The following LMAN1 variants were observed in gnomAD, a reference collection of about 807,000 sequenced individuals.
LMAN1 encodes lectin, mannose binding 1.
A neutral mutation model predicts 67.8 loss-of-function variants in LMAN1; 32 were observed. That is an observed-to-expected ratio of 0.47 (90% confidence interval 0.36 to 0.63). LMAN1 has a LOEUF of 0.63. Ranked by LOEUF, LMAN1 falls within the 30% of genes least tolerant of loss-of-function variation. The probability of loss-of-function intolerance (pLI) is 0.00; values close to 1 mark genes in which losing one functional copy is unlikely to be tolerated. For missense variants in LMAN1, 632 were observed against 628.2 expected (o/e 1.01, Z -0.06); for synonymous variants, 235 against 219.3 (o/e 1.07, Z -0.63).
intron 8 of LMAN1, among the ~76,000 whole-genome samples, chr18:59,341,899 T>A (rs1472120492): frequency 6.6e-6 from 1 of 152,030 alleles, no homozygotes; most frequent in Non-Finnish European, 1.5e-5. Flanking sequence ...AAAAGTTGCT[T>A]CCTTGAAAAG....
Position 59,346,472 on chromosome 18 carries a change from G to A in LMAN1, c.823-421C>T, listed in dbSNP as rs866189032. On this transcript the variant is annotated intron_variant, in intron 7 of 12. Transcript: ENST00000251047. ...ACCCTTTAGCTCAGGCAATGCACCC[G>A]CCTCGGCCTCCCAAAGTGCTAGGAT... 5.3e-5 allele frequency among the ~76,000 whole-genome samples: 8 copies of A among 151,644 alleles called. No homozygotes were observed. The South Asian group carries it at 1.3e-3, about 24-fold the overall frequency.
intron 7 of LMAN1, 96 bp downstream of exon 7, chr18:59,347,417 G>A (rs976764724): frequency 1.4e-6 from 1 of 692,668 alleles, no homozygotes; most frequent in Non-Finnish European, 2.5e-6. Flanking sequence ...GCAGTAACTG[G>A]CAGAAACAAG....
intron 8 of LMAN1, among the ~76,000 whole-genome samples, chr18:59,340,180 T>C (rs967251245): frequency 6.6e-6 from 1 of 152,114 alleles, no homozygotes; most frequent in African/African-American, 2.4e-5. Context: ...GAGTTCAAGT[T>C]CATATGGCTG....
intron 10 of LMAN1, among the ~76,000 whole-genome samples, chr18:59,334,319 A>C (rs1282065481): frequency 1.3e-5 from 2 of 152,216 alleles, no homozygotes; most frequent in East Asian, 1.9e-4. Flanking sequence ...AAGTGCTGTG[A>C]GCCAGGGAAT....
At chr18:59,352,822 T>A in intron 5 of LMAN1, 1 of 309,766 alleles carries the variant, frequency 3.2e-6, no homozygotes, top group Non-Finnish European at 6.3e-6. Context: ...CATTTGTGTG[T>A]CCTCTGTTAG....
chr18:59,355,211 A>G (rs1267955778), intron 3 of LMAN1, 102 bp downstream of exon 3: 1 of 862,850 alleles, frequency 1.2e-6, no homozygotes, highest in Non-Finnish European at 1.9e-6. Context: ...GGAGTTCTGT[A>G]CTATCAAACT....
intron 1 of LMAN1, among the ~76,000 whole-genome samples, chr18:59,357,836 G>A (rs1908693959): frequency 6.6e-6 from 1 of 151,974 alleles, no homozygotes; most frequent in African/African-American, 2.4e-5. Flanking sequence ...GGGGGAGGTG[G>A]GAGGGATAGC....
chr18:59,355,779 A>AACTCAATGATCATTTCCAAACTGCT, intron 1 of LMAN1, 121 bp from the exon 2 acceptor site: 1 of 1,122,664 alleles, frequency 8.9e-7, no homozygotes, highest in African/African-American at 1.6e-5. Context: ...TGATTTGGAA[A>AACTCAATGATCATTTCCAAACTGCT]AAATTTCATG....
Position 59,359,261 on chromosome 18 carries a change from C to G in LMAN1, c.-17G>C, listed in dbSNP as rs1034602687. 1.2e-6 allele frequency: 2 copies of G among 1,612,504 alleles called. No homozygotes were observed. Among genetic ancestry groups the G allele is most frequent in the Non-Finnish European group, 1.7e-6 (2 of 1,178,852 alleles). ...TCCCGCCATCTTGGATTCTGGAACG[C>G]GGAGGAGGGCGGGAGAGGGAGGGGC... On this transcript the variant is annotated 5_prime_UTR_variant, in exon 1 of 13. Coordinates refer to ENST00000251047, the MANE Select transcript of LMAN1 (RefSeq NM_005570.4).
At chr18:59,351,360 G>A (rs1462640240) in intron 5 of LMAN1, 1 of 152,144 alleles carries the variant, frequency 6.6e-6, no homozygotes, top group African/African-American at 2.4e-5. Flanking sequence ...CTGAATTTGT[G>A]TGCTCAAAGC....
In LMAN1 at chr18:59,333,097, T is replaced by G; in HGVS notation, c.1368A>C (p.Arg456=). ...GAAAAGGAAACAAAGTTACCATATT[T>G]CGCTGCACTAAGTTATCTATGTCCC... ...VKRDIDNLVQ[R]NMPSNEKPKC... Residue 456 remains arginine (R), a synonymous_variant, in exon 11 of 13, where the codon CGA becomes CGC. Transcript: ENST00000251047. 1 of 1,612,708 alleles carries G rather than the reference T, an allele frequency of 6.2e-7. No homozygotes were observed. The highest frequency in any genetic ancestry group is 8.5e-7 in the Non-Finnish European group (1 of 1,178,820).
Position 59,335,448 on chromosome 18 carries a change from AAAAG to A in LMAN1, c.1221-2208_1221-2205del, listed in dbSNP as rs568857302. ...AACTCCATCTCAAAAGAAAAAAAAAAAAAGAAAGAAAAGAAAAAGAAAATACGTA... is the reference window on the plus strand; with the variant it reads ...AACTCCATCTCAAAAGAAAAAAAAAAAAAGAAAAGAAAAAGAAAATACGTA... On this transcript the variant is annotated intron_variant, in intron 10 of 12. Transcript: ENST00000251047. Among the ~76,000 whole-genome samples, 71 of 152,038 alleles carry A rather than the reference AAAAG, an allele frequency of 4.7e-4. No homozygotes were observed. In the South Asian group the frequency reaches 0.014, roughly 31 times the overall value.
intron 8 of LMAN1, among the ~76,000 whole-genome samples, chr18:59,339,599 A>T (rs1231827746): frequency 6.6e-6 from 1 of 152,192 alleles, no homozygotes; most frequent in Non-Finnish European, 1.5e-5. Context: ...ACCACATGGA[A>T]TCCCACAGGC....
At chr18:59,335,596 G>A (rs1384921172) in intron 10 of LMAN1, among the ~76,000 whole-genome samples, 1 of 152,158 alleles carries the variant, frequency 6.6e-6, no homozygotes, top group African/African-American at 2.4e-5. Flanking sequence ...CAAGGATGAA[G>A]AAGCGATATA....
chr18:59,345,917 A>T lies in LMAN1; in HGVS notation c.955+2T>A, dbSNP rs1409385288. ...ACCCATGTCAGCTTTGCTACAACTC[A>T]CCAGGCTGCCCTTGGAGGTCGGGGT... On this transcript the variant is annotated splice_donor_variant, in intron 8 of 12. Transcript: ENST00000251047. LOFTEE classifies it high-confidence loss of function. 1 of 1,613,646 alleles carries T rather than the reference A, an allele frequency of 6.2e-7. No individual in the cohort carries two copies. Among genetic ancestry groups the T allele is most frequent in the Non-Finnish European group, 8.5e-7 (1 of 1,179,994 alleles).
At chr18:59,354,634 C>T in intron 3 of LMAN1, 54 bp from the exon 4 acceptor site, 1 of 913,288 alleles carries the variant, frequency 1.1e-6, no homozygotes, top group South Asian at 1.4e-5. Context: ...CATTCTACAT[C>T]ATTCTTGATG....
At chr18:59,347,366 GA>G (rs1005769266) in intron 7 of LMAN1, 146 bp downstream of exon 7, 1 of 216,256 alleles carries the variant, frequency 4.6e-6, no homozygotes, top group African/African-American at 3.0e-5. Flanking sequence ...AAAAAGAAAT[GA>G]AGCATTACAG....
chr18:59,349,339 A>C (rs1908490722), intron 5 of LMAN1, 103 bp from the exon 6 acceptor site: 1 of 1,051,464 alleles, frequency 9.5e-7, no homozygotes, highest in Non-Finnish European at 1.4e-6. Context: ...TCATTATTAT[A>C]AAGAGTAATT....
rs2070736825 is a variant in LMAN1, at chr18:59,329,856, G to C, written c.*1237C>G. ...ACCATTTTAGCTAAAAGAAGTAAAA[G>C]AGTATTTTGAAGGCAGCAAAAATCA... On this transcript the variant is annotated 3_prime_UTR_variant, in exon 13 of 13. Coordinates refer to ENST00000251047, the MANE Select transcript of LMAN1 (RefSeq NM_005570.4). The C allele has an allele frequency of 6.6e-6, 1 of 152,130 alleles. No individual in the cohort carries two copies. The highest frequency in any genetic ancestry group is 1.5e-5 in the Non-Finnish European group (1 of 67,998). 9.4% of individuals were successfully genotyped at this position (152,130 alleles called of 1,614,324 possible).
Sources: allele counts gnomAD v4.1 joint callset (sites outside exome capture counted in the v4.1 genomes callset), GRCh38; gene constraint gnomAD v4.1.1; transcripts MANE v1.5; gene names NCBI Gene and HGNC (gene_info 2026-07-23, HGNC 2026-07-21).